The following MDFIC2 variants were observed in gnomAD, a reference collection of about 807,000 sequenced individuals.
The protein encoded by MDFIC2 is myoD family inhibitor domain-containing protein 2.
At chr3:70,290,602 C>A (rs575090871) in intron 2 of MDFIC2, among the ~76,000 whole-genome samples, 1 of 152,202 alleles carries the variant, frequency 6.6e-6, no homozygotes, top group African/African-American at 2.4e-5. Flanking sequence ...TTCGAGTTTC[C>A]GGGCTGTTTT....
At chr3:70,301,212 A>T (rs1006492091) in intron 2 of MDFIC2, among the ~76,000 whole-genome samples, 1 of 152,132 alleles carries the variant, frequency 6.6e-6, no homozygotes, top group Non-Finnish European at 1.5e-5. Flanking sequence ...ACTCTTTAGC[A>T]TAGTTGTTTT....
intron 2 of MDFIC2, among the ~76,000 whole-genome samples, chr3:70,308,794 A>G (rs1702428797): frequency 6.6e-6 from 1 of 152,138 alleles, no homozygotes; most frequent in African/African-American, 2.4e-5. Context: ...TAATAGCAGT[A>G]CTCAGAATGG....
intron 2 of MDFIC2, among the ~76,000 whole-genome samples, chr3:70,283,034 C>G (rs989943502): frequency 2.0e-5 from 3 of 152,132 alleles, no homozygotes; most frequent in Admixed American, 2.0e-4. Context: ...ATCTCAATCA[C>G]AAGACGTTGA....
At chr3:70,258,427 CAG>C (rs141152943) in intron 2 of MDFIC2, among the ~76,000 whole-genome samples, 13 of 150,584 alleles carry the variant, frequency 8.6e-5, no homozygotes, top group South Asian at 2.1e-4. Context: ...TATGTATTTA[CAG>C]AGAGAGAGAG....
intron 2 of MDFIC2, among the ~76,000 whole-genome samples, chr3:70,254,951 T>C (rs1019801595): frequency 6.6e-6 from 1 of 152,204 alleles, no homozygotes; most frequent in Non-Finnish European, 1.5e-5. Context: ...ATTCCTATTA[T>C]GAATGTGCAA....
intron 2 of MDFIC2, among the ~76,000 whole-genome samples, chr3:70,263,985 C>T (rs1010566147): frequency 6.6e-6 from 1 of 152,168 alleles, no homozygotes; most frequent in East Asian, 1.9e-4. Flanking sequence ...GATTCAGGCT[C>T]TCCTACTCTG....
At chr3:70,309,167 T>C (rs983945168) in intron 2 of MDFIC2, among the ~76,000 whole-genome samples, 2 of 152,164 alleles carry the variant, frequency 1.3e-5, no homozygotes, top group South Asian at 4.1e-4. Context: ...ATGAAATGAA[T>C]AGAATTTGGA....
At chr3:70,229,441 T>A (rs1243525859) in intron 2 of MDFIC2, among the ~76,000 whole-genome samples, 2 of 152,208 alleles carry the variant, frequency 1.3e-5, no homozygotes, top group Non-Finnish European at 2.9e-5. Flanking sequence ...TGACAGAGAC[T>A]AGCTAGATGC....
At chr3:70,280,384 A>C (rs1702068609) in intron 2 of MDFIC2, among the ~76,000 whole-genome samples, 2 of 152,140 alleles carry the variant, frequency 1.3e-5, no homozygotes, top group South Asian at 4.1e-4. Context: ...AGGACCTGAC[A>C]TTCTGGGTGG....
chr3:70,210,929 C>T (rs1197128841), intron 2 of MDFIC2, among the ~76,000 whole-genome samples: 1 of 152,066 alleles, frequency 6.6e-6, no homozygotes, highest in Admixed American at 6.6e-5. Flanking sequence ...ATTCAATTAA[C>T]ATTTATTGAG....
At chr3:70,258,177 C>G (rs1701834359) in intron 2 of MDFIC2, among the ~76,000 whole-genome samples, 1 of 152,056 alleles carries the variant, frequency 6.6e-6, no homozygotes, top group South Asian at 2.1e-4. Flanking sequence ...CAAAAACTAT[C>G]ATGTTCTAGA....
chr3:70,278,888 C>T lies in MDFIC2; in HGVS notation c.88+32998G>A, dbSNP rs149687948. Among the ~76,000 whole-genome samples the T allele has an allele frequency of 1.9e-3, 289 of 151,490 alleles. 4 individuals carry two copies. Among genetic ancestry groups the T allele is most frequent in the African/African-American group, 6.6e-3 (271 of 41,276 alleles). ...AAAACAAATGAAATAACAATTGTAA[C>T]GTAGAGAGCTAGTGTTTGACATGTA... On this transcript the variant is annotated intron_variant, in intron 2 of 3. Coordinates refer to ENST00000567252, the MANE Select transcript of MDFIC2 (RefSeq NM_001364677.1).
At chr3:70,267,706 C>T (rs540518878) in intron 2 of MDFIC2, among the ~76,000 whole-genome samples, 1 of 151,732 alleles carries the variant, frequency 6.6e-6, no homozygotes, top group African/African-American at 2.4e-5. Flanking sequence ...GAGAGCCACC[C>T]CGCCCAGCCT....
chr3:70,209,951 T>A (rs899073710), intron 2 of MDFIC2, among the ~76,000 whole-genome samples: 1 of 152,122 alleles, frequency 6.6e-6, no homozygotes, highest in Non-Finnish European at 1.5e-5. Context: ...CAGAAAGAGC[T>A]GATAGATAAC....
At chr3:70,240,983 T>G (rs972113534) in intron 2 of MDFIC2, among the ~76,000 whole-genome samples, 1 of 152,168 alleles carries the variant, frequency 6.6e-6, no homozygotes, top group Non-Finnish European at 1.5e-5. Context: ...ATCTTGGCCT[T>G]TCACAGTCAA....
chr3:70,206,028 A>G (rs1458522161), intron 3 of MDFIC2: 2 of 151,990 alleles, frequency 1.3e-5, no homozygotes, highest in Non-Finnish European at 2.9e-5. Context: ...TATGTCATAT[A>G]TAGGGATGAT....
chr3:70,273,725 A>C (rs890576806), intron 2 of MDFIC2, among the ~76,000 whole-genome samples: 2 of 152,258 alleles, frequency 1.3e-5, no homozygotes, highest in Non-Finnish European at 2.9e-5. Context: ...AATCAATCCC[A>C]GTTTTTAAAG....
chr3:70,196,084 G>C lies in MDFIC2; in HGVS notation c.*842C>G, dbSNP rs1205861052. Among the ~76,000 whole-genome samples the C allele has an allele frequency of 4.6e-5, 7 of 152,152 alleles. No individual in the cohort carries two copies. The highest frequency in any genetic ancestry group is 1.7e-4 in the African/African-American group (7 of 41,450). ...TAGTTTTGTAAAATGAGCTGAATCT[G>C]TTTTAATATCCTGTTGCTTATTGTA... On this transcript the variant is annotated 3_prime_UTR_variant, in exon 4 of 4. Coordinates refer to ENST00000567252, the MANE Select transcript of MDFIC2 (RefSeq NM_001364677.1).
At chr3:70,280,612 G>T (rs1702072510) in intron 2 of MDFIC2, among the ~76,000 whole-genome samples, 1 of 152,124 alleles carries the variant, frequency 6.6e-6, no homozygotes, top group Admixed American at 6.6e-5. Flanking sequence ...CAGAAGCAAA[G>T]GTTCTTCTCT....
Sources: gnomAD v4.1 joint callset for allele counts (sites outside exome capture counted in the v4.1 genomes callset) on GRCh38, gnomAD v4.1.1 for gene constraint, MANE v1.5 for transcripts, NCBI Gene and HGNC (gene_info 2026-07-23, HGNC 2026-07-21) for gene names.